Variants in PCDH9 observed in about 807,000 individuals in gnomAD.
PCDH9 encodes the protein protocadherin 9, also known as protocadherin-9.
PCDH9 carries 24 observed loss-of-function variants against 70.6 expected under a neutral mutation model. That is an observed-to-expected ratio of 0.34 (90% CI 0.25 to 0.48). PCDH9 has a LOEUF of 0.48. PCDH9 is among the 20% of genes least tolerant of loss of function. The probability of loss-of-function intolerance (pLI) is 0.99; values close to 1 mark genes in which losing one functional copy is unlikely to be tolerated. For missense variants in PCDH9, 1,281 were observed against 1,503.6 expected (o/e 0.85, Z 2.45); for synonymous variants, 562 against 558.5 (o/e 1.01, Z -0.09).
rs77005985 is a variant in PCDH9 at position 66,887,274 on chromosome 13, A to G, written c.3138+16230T>C. On this transcript the variant is annotated intron_variant, in intron 3 of 4. Transcript: ENST00000377865. ...ATCATTAGTGGGATGATGGTATTTC[A>G]GTTCCTCTTCCTTTCATTCCTCTTT... Among the ~76,000 whole-genome samples, 162 of 152,132 alleles carry G rather than the reference A, an allele frequency of 1.1e-3. No individual in the cohort carries two copies. The East Asian group carries it at 0.029, about 27-fold the overall frequency.
intron 4 of PCDH9, among the ~76,000 whole-genome samples, chr13:66,502,157 A>C (rs906701374): frequency 3.9e-5 from 6 of 152,170 alleles, no homozygotes; most frequent in Non-Finnish European, 8.8e-5. Flanking sequence ...TGGGTGAATT[A>C]AATTTTAAAT....
chr13:67,176,117 G>A (rs561707435), intron 2 of PCDH9, among the ~76,000 whole-genome samples: 2 of 152,250 alleles, frequency 1.3e-5, no homozygotes, highest in South Asian at 4.2e-4. Flanking sequence ...TCTGGCTAGC[G>A]AATGTGTCCA....
At chr13:66,868,739 G>A (rs972729030) in intron 3 of PCDH9, among the ~76,000 whole-genome samples, 2 of 152,110 alleles carry the variant, frequency 1.3e-5, no homozygotes, top group Admixed American at 1.3e-4. Context: ...GGCAAGAGTA[G>A]ATTGAATCCT....
At chr13:66,496,153 G>A (rs1208990300) in intron 4 of PCDH9, among the ~76,000 whole-genome samples, 5 of 152,032 alleles carry the variant, frequency 3.3e-5, no homozygotes, top group East Asian at 1.9e-4. Context: ...TGGTTGACCC[G>A]TGCTGAACAT....
chr13:66,594,449 T>C (rs1437156456), intron 4 of PCDH9, among the ~76,000 whole-genome samples: 1 of 151,202 alleles, frequency 6.6e-6, no homozygotes, highest in East Asian at 2.0e-4. Context: ...AAAATTAAGG[T>C]AACATCAGGT....
At chr13:67,081,759 G>C (rs2085987864) in intron 2 of PCDH9, among the ~76,000 whole-genome samples, 1 of 152,030 alleles carries the variant, frequency 6.6e-6, no homozygotes, top group Non-Finnish European at 1.5e-5. Flanking sequence ...CCTACCTTTA[G>C]TATTACCATT....
intron 3 of PCDH9, among the ~76,000 whole-genome samples, chr13:66,822,197 A>G (rs2080724533): frequency 6.6e-6 from 1 of 152,010 alleles, no homozygotes; most frequent in South Asian, 2.1e-4. Context: ...TTCCACTTAT[A>G]TATACATTCA....
chr13:67,152,396 T>C (rs957199069), intron 2 of PCDH9, among the ~76,000 whole-genome samples: 55 of 152,210 alleles, frequency 3.6e-4, no homozygotes, highest in African/African-American at 1.2e-3. Flanking sequence ...TTTACCTTAT[T>C]GATAAAGAAA....
rs146074197 is a variant in PCDH9 at position 66,955,763 on chromosome 13, G to A, written c.3037-52158C>T. Among the ~76,000 whole-genome samples the A allele has an allele frequency of 4.9e-3, 747 of 152,208 alleles. 10 individuals carry two copies. The highest frequency in any genetic ancestry group is 0.017 in the African/African-American group (710 of 41,522). Reference sequence around the variant, plus strand: ...TTTAAAAATTCAAGGGAGAAATTGCGTTTGTTATGGGAATGACAAACAGAT... The same window carrying A: ...TTTAAAAATTCAAGGGAGAAATTGCATTTGTTATGGGAATGACAAACAGAT... On this transcript the variant is annotated intron_variant, in intron 2 of 4. Transcript: ENST00000377865.
intron 3 of PCDH9, among the ~76,000 whole-genome samples, chr13:66,805,526 G>A (rs745676818): frequency 5.3e-5 from 8 of 152,134 alleles, no homozygotes; most frequent in Non-Finnish European, 4.4e-5. Flanking sequence ...GGTGAGTGGT[G>A]ATATACTTTA....
At chr13:66,608,519 C>T (rs1323476691) in intron 4 of PCDH9, among the ~76,000 whole-genome samples, 2 of 151,934 alleles carry the variant, frequency 1.3e-5, no homozygotes, top group African/African-American at 4.8e-5. Flanking sequence ...CATTTTGTTC[C>T]AGATGCTTGG....
intron 2 of PCDH9, among the ~76,000 whole-genome samples, chr13:67,195,387 C>T (rs547822878): frequency 2.6e-5 from 4 of 152,118 alleles, no homozygotes; most frequent in Non-Finnish European, 5.9e-5. Flanking sequence ...CTGTGATCCA[C>T]CCGCCTCGGC....
chr13:66,394,186 G>C (rs1228441197), intron 4 of PCDH9, among the ~76,000 whole-genome samples: 1 of 151,978 alleles, frequency 6.6e-6, no homozygotes, highest in African/African-American at 2.4e-5. Context: ...GATTTTTAGG[G>C]GTCACTCACC....
intron 4 of PCDH9, among the ~76,000 whole-genome samples, chr13:66,557,146 G>A (rs1593671008): frequency 2.0e-5 from 3 of 152,160 alleles, no homozygotes; most frequent in African/African-American, 4.8e-5. Context: ...AAATGGATGC[G>A]AGGAGAATAT....
intron 4 of PCDH9, among the ~76,000 whole-genome samples, chr13:66,342,565 A>G (rs2138148230): frequency 6.6e-6 from 1 of 152,248 alleles, no homozygotes; most frequent in South Asian, 2.1e-4. Context: ...AACAGATCCT[A>G]CATGATACAT....
chr13:66,687,408 C>T (rs1204611020), intron 3 of PCDH9, among the ~76,000 whole-genome samples: 5 of 151,878 alleles, frequency 3.3e-5, no homozygotes, highest in Admixed American at 2.6e-4. Flanking sequence ...TTTTTTCTTG[C>T]GGATCCTGCC....
intron 4 of PCDH9, 132 bp downstream of exon 4, chr13:66,631,078 C>T: frequency 1.6e-6 from 1 of 621,462 alleles, no homozygotes; most frequent in East Asian, 2.6e-5. Context: ...TCAAAGAATA[C>T]AGCAACAACA....
chr13:66,378,866 A>G (rs1220631874), intron 4 of PCDH9, among the ~76,000 whole-genome samples: 1 of 152,198 alleles, frequency 6.6e-6, no homozygotes, highest in Non-Finnish European at 1.5e-5. Context: ...TAAGGAAAAG[A>G]GTGTAGGTCA....
chr13:67,068,801 T>C (rs914319055), intron 2 of PCDH9, among the ~76,000 whole-genome samples: 12 of 152,178 alleles, frequency 7.9e-5, no homozygotes, highest in African/African-American at 2.9e-4. Flanking sequence ...AAACAATGAA[T>C]ACAACAACTT....
Sources: gnomAD v4.1 joint callset for allele counts (sites outside exome capture counted in the v4.1 genomes callset) on GRCh38, gnomAD v4.1.1 for gene constraint, MANE v1.5 for transcripts, NCBI Gene and HGNC (gene_info 2026-07-23, HGNC 2026-07-21) for gene names.